Variants in ELOVL2 observed in about 807,000 individuals in gnomAD.
ELOVL2 encodes the protein ELOVL fatty acid elongase 2.
ELOVL2 carries 38 observed loss-of-function variants against 37.7 expected under a neutral mutation model. That is an observed-to-expected ratio of 1.01 (90% confidence interval 0.78 to 1.32). ELOVL2 has a LOEUF of 1.32. ELOVL2 is among the 40% of genes most tolerant of loss of function. ELOVL2 has a pLI of 0.00. For synonymous variants in ELOVL2, 115 were observed against 122.3 expected (o/e 0.94, Z 0.40); for missense variants, 352 against 363.6 (o/e 0.97, Z 0.26).
chr6:10,994,899 G>C, intron 5 of ELOVL2, 108 bp downstream of exon 5: 3 of 882,380 alleles, frequency 3.4e-6, no homozygotes, highest in Non-Finnish European at 3.4e-6. Flanking sequence ...CGGCGCTCTA[G>C]GCCTCCCTTC....
At chr6:11,028,934 C>T (rs9468268) in intron 1 of ELOVL2, among the ~76,000 whole-genome samples, 3,564 of 151,748 alleles carry the variant, frequency 0.023, 149 homozygotes, top group East Asian at 0.19. Flanking sequence ...ATCTTCTTGT[C>T]ACTCATTCAT....
intron 1 of ELOVL2, among the ~76,000 whole-genome samples, chr6:11,027,145 C>T (rs947761163): frequency 6.6e-6 from 1 of 152,162 alleles, no homozygotes. Flanking sequence ...ATGCTTCTCA[C>T]TTCTTAAGCT....
rs1782386489 is a variant in ELOVL2, at chr6:11,001,712, C to A, written c.256-1548G>T. Among the ~76,000 whole-genome samples the A allele has an allele frequency of 2.6e-5, 4 of 152,172 alleles. No homozygotes were observed. The South Asian group carries it at 8.3e-4, about 32-fold the overall frequency. The stretch of plus-strand genomic sequence containing the variant: ...TGTCCCCATTCCTGTGGCATCTGTG[C>A]AGAACTACCTGACAATTATGAATAG... On this transcript the variant is annotated intron_variant, in intron 3 of 7. Coordinates refer to ENST00000354666, the MANE Select transcript of ELOVL2 (RefSeq NM_017770.4).
chr6:11,027,276 T>C (rs1022773298), intron 1 of ELOVL2, among the ~76,000 whole-genome samples: 8 of 152,184 alleles, frequency 5.3e-5, no homozygotes, highest in Non-Finnish European at 1.2e-4. Context: ...GAGCTCTGCA[T>C]GGTCCAGAGT....
chr6:11,020,443 C>G (rs2113539429), intron 1 of ELOVL2, among the ~76,000 whole-genome samples: 1 of 152,320 alleles, frequency 6.6e-6, no homozygotes, highest in African/African-American at 2.4e-5. Context: ...TTGAAGTTCA[C>G]ATTACATATG....
At chr6:10,990,667 G>GCCCCCCC (rs372558428) in intron 5 of ELOVL2, among the ~76,000 whole-genome samples, 2 of 143,000 alleles carry the variant, frequency 1.4e-5, no homozygotes, top group Admixed American at 6.9e-5. Context: ...TTTTCAGAAT[G>GCCCCCCC]CCCCCCCCCC....
At chr6:11,008,103 A>G (rs1782509903) in intron 2 of ELOVL2, among the ~76,000 whole-genome samples, 1 of 152,172 alleles carries the variant, frequency 6.6e-6, no homozygotes, top group Non-Finnish European at 1.5e-5. Flanking sequence ...GCTAGGAGAC[A>G]CCGAGAGGTT....
At position 10,989,693 on chromosome 6, in the gene ELOVL2, T is replaced by C; in HGVS notation, c.765+10A>G. 1 of 1,611,400 alleles carries C rather than the reference T, an allele frequency of 6.2e-7. No homozygotes were observed. Among genetic ancestry groups the C allele is most frequent in the Non-Finnish European group, 8.5e-7 (1 of 1,178,348 alleles). On this transcript the variant is annotated intron_variant, in intron 7 of 7. Transcript: ENST00000354666. The stretch of plus-strand genomic sequence containing the variant: ...TACATTTTACTGCTGAATATTTACA[T>C]TCCACGTACCTGAACGTAAAAATTT...
chr6:11,005,733 A>C (rs1782471259), intron 2 of ELOVL2, among the ~76,000 whole-genome samples, 174 bp from the exon 3 acceptor site: 1 of 152,308 alleles, frequency 6.6e-6, no homozygotes, highest in African/African-American at 2.4e-5. Flanking sequence ...CTGTGGGCTG[A>C]ATCGGTAAAG....
intron 1 of ELOVL2, among the ~76,000 whole-genome samples, chr6:11,028,973 T>C (rs1782877418): frequency 6.8e-6 from 1 of 147,152 alleles, no homozygotes; most frequent in Admixed American, 7.0e-5. Context: ...CAGTCCTGAG[T>C]ATGGTTCAGG....
At position 11,044,063 on chromosome 6, in the gene ELOVL2, G is replaced by A. The variant is rs1459574852; in HGVS notation, c.3+165C>T. Among the ~76,000 whole-genome samples the A allele has an allele frequency of 3.3e-5, 5 of 151,286 alleles. No homozygotes were observed. Among genetic ancestry groups the A allele is most frequent in the African/African-American group, 7.3e-5 (3 of 41,266 alleles). ...CCCCCGGCCCAAACGCTCAGCTCCC[G>A]CTCCCCAGGCCCGCGCGGACCCGGC... On this transcript the variant is annotated intron_variant, in intron 1 of 7. Transcript: ENST00000354666. The surrounding 1 kb of genome is among the most constrained non-coding windows in gnomAD (Gnocchi z 5.6).
At chr6:11,038,808 AC>A (rs766041665) in intron 1 of ELOVL2, among the ~76,000 whole-genome samples, 17 of 152,356 alleles carry the variant, frequency 1.1e-4, no homozygotes, top group Non-Finnish European at 2.2e-4. Context: ...CAGCTGTATT[AC>A]TGAAACATGC....
chr6:11,041,832 C>T (rs1783102288), intron 1 of ELOVL2, among the ~76,000 whole-genome samples: 1 of 151,836 alleles, frequency 6.6e-6, no homozygotes, highest in African/African-American at 2.4e-5. Context: ...TATAGAAAAA[C>T]AAAAGGAAAT....
At chr6:11,020,381 A>C (rs1782748832) in intron 1 of ELOVL2, among the ~76,000 whole-genome samples, 1 of 152,266 alleles carries the variant, frequency 6.6e-6, no homozygotes, top group Admixed American at 6.5e-5. Context: ...TAGCGATAAG[A>C]GTAATCAACC....
chr6:11,027,695 C>G (rs1429193914), intron 1 of ELOVL2, among the ~76,000 whole-genome samples: 1 of 122,208 alleles, frequency 8.2e-6, no homozygotes, highest in Non-Finnish European at 1.6e-5. Flanking sequence ...TTTCACCTTT[C>G]TTAGGCAAGC....
In ELOVL2 at chr6:10,981,241, T is replaced by C. The variant is rs1431046569; in HGVS notation, c.*2540A>G. On this transcript the variant is annotated 3_prime_UTR_variant, in exon 8 of 8. Transcript: ENST00000354666. ...CAGTATTTAAGTATTTTCATTCCCA[T>C]GGGTCAGAGGAAATTTGAGAGAAAA... 1.3e-5 allele frequency: 2 copies of C among 152,492 alleles called. No individual in the cohort carries two copies. Among genetic ancestry groups the C allele is most frequent in the African/African-American group, 2.4e-5 (1 of 41,458 alleles). The allele number at this position is 152,492 out of a possible 1,614,324, so 9.4% of individuals were successfully genotyped here. A position where few individuals can be genotyped will look rare whatever the true frequency, so the allele number is the denominator to read the frequency against.
chr6:11,009,910 G>A (rs1782543204), intron 2 of ELOVL2, among the ~76,000 whole-genome samples: 1 of 152,166 alleles, frequency 6.6e-6, no homozygotes. Flanking sequence ...TGGAAGAGGG[G>A]AGGCCTGTTA....
At chr6:11,030,400 T>C (rs1375829426) in intron 1 of ELOVL2, among the ~76,000 whole-genome samples, 1 of 152,160 alleles carries the variant, frequency 6.6e-6, no homozygotes, top group Non-Finnish European at 1.5e-5. Flanking sequence ...GGGGAAAAAG[T>C]GTAAAGGTAT....
At chr6:11,035,174 A>T (rs1435130449) in intron 1 of ELOVL2, among the ~76,000 whole-genome samples, 1 of 152,138 alleles carries the variant, frequency 6.6e-6, no homozygotes, top group East Asian at 1.9e-4. Flanking sequence ...TTTCTCCTAA[A>T]TAGACTGTTC....
Sources: gnomAD v4.1 joint callset for allele counts (sites outside exome capture counted in the v4.1 genomes callset) on GRCh38, gnomAD v4.1.1 for gene constraint, Gnocchi (gnomAD v3.1) non-coding constraint, MANE v1.5 for transcripts, NCBI Gene and HGNC (gene_info 2026-07-23, HGNC 2026-07-21) for gene names.